The following AKAP6 variants were observed in gnomAD, a reference collection of about 807,000 sequenced individuals.
AKAP6 encodes the protein A-kinase anchoring protein 6, also known as A-kinase anchor protein 6.
In AKAP6, 58 loss-of-function variants were observed where a neutral mutation model predicts 188.5. The ratio of observed to expected loss-of-function variants is 0.31; its 90% confidence interval spans 0.25 to 0.38. AKAP6 has a LOEUF of 0.38. Ranked by LOEUF, AKAP6 falls within the 10% of genes least tolerant of loss-of-function variation. The pLI is 1.00. For missense variants in AKAP6, 2,710 were observed against 2,740.0 expected, an observed-to-expected ratio of 0.99 and a Z score of 0.24; for synonymous variants, 989 against 998.6, an observed-to-expected ratio of 0.99 and a Z score of 0.18.
At chr14:32,408,937 C>T (rs947359548) in intron 1 of AKAP6, among the ~76,000 whole-genome samples, 16 of 152,060 alleles carry the variant, frequency 1.1e-4, no homozygotes, top group African/African-American at 3.4e-4. Context: ...ACCCCTATAT[C>T]GCCTGTAATC....
intron 2 of AKAP6, among the ~76,000 whole-genome samples, chr14:32,449,470 C>G (rs907049399): frequency 7.2e-6 from 1 of 138,228 alleles, no homozygotes; most frequent in Non-Finnish European, 1.5e-5. Flanking sequence ...TGCAGTGAGC[C>G]AAGATAGTGC....
intron 2 of AKAP6, among the ~76,000 whole-genome samples, chr14:32,459,279 T>C (rs942413461): frequency 1.4e-5 from 2 of 143,928 alleles, no homozygotes; most frequent in African/African-American, 4.9e-5. Flanking sequence ...AGATAACTTT[T>C]TGGGGCAATG....
At chr14:32,363,395 C>T (rs534658710) in intron 1 of AKAP6, among the ~76,000 whole-genome samples, 13 of 152,278 alleles carry the variant, frequency 8.5e-5, no homozygotes, top group African/African-American at 3.1e-4. Flanking sequence ...CACATGATCA[C>T]AAGGTGAAGT....
chr14:32,430,512 A>G (rs1158583019), intron 1 of AKAP6, among the ~76,000 whole-genome samples: 1 of 152,168 alleles, frequency 6.6e-6, no homozygotes, highest in Non-Finnish European at 1.5e-5. Flanking sequence ...GTGACTAAGC[A>G]CTGTTTTTTC....
intron 1 of AKAP6, among the ~76,000 whole-genome samples, chr14:32,346,106 C>T (rs1014313729): frequency 6.6e-6 from 1 of 152,138 alleles, no homozygotes; most frequent in Non-Finnish European, 1.5e-5. Context: ...AGTCCCCCAT[C>T]ATGAAGACCA....
At chr14:32,564,297 G>C (rs1198195163) in intron 4 of AKAP6, among the ~76,000 whole-genome samples, 2 of 152,120 alleles carry the variant, frequency 1.3e-5, no homozygotes, top group East Asian at 3.9e-4. Flanking sequence ...AGGGCCGACT[G>C]TATTTATAAT....
chr14:32,381,403 T>A (rs1486052112), intron 1 of AKAP6, among the ~76,000 whole-genome samples: 1 of 152,194 alleles, frequency 6.6e-6, no homozygotes, highest in Admixed American at 6.5e-5. Flanking sequence ...TATTTACTTA[T>A]GAAGAGAAAC....
intron 2 of AKAP6, among the ~76,000 whole-genome samples, chr14:32,437,606 T>C (rs1286475402): frequency 6.6e-6 from 1 of 152,034 alleles, no homozygotes; most frequent in Non-Finnish European, 1.5e-5. Context: ...ATTATTATTA[T>C]CATTATTTGA....
chr14:32,457,576 C>A (rs1891187047), intron 2 of AKAP6, among the ~76,000 whole-genome samples: 1 of 152,124 alleles, frequency 6.6e-6, no homozygotes, highest in Non-Finnish European at 1.5e-5. Flanking sequence ...AACTTCAACA[C>A]AGTACTAGAT....
chr14:32,460,499 C>T (rs1414959840), intron 2 of AKAP6, among the ~76,000 whole-genome samples: 2 of 152,154 alleles, frequency 1.3e-5, no homozygotes, highest in African/African-American at 2.4e-5. Context: ...GACCTCCCTC[C>T]CCCAGCCAAG....
chr14:32,392,068 C>G (rs1888734248), intron 1 of AKAP6, among the ~76,000 whole-genome samples: 1 of 151,996 alleles, frequency 6.6e-6, no homozygotes, highest in Non-Finnish European at 1.5e-5. Flanking sequence ...TGGAAAACAA[C>G]TAGTAATAAA....
chr14:32,615,411 CTT>C (rs199960304), intron 7 of AKAP6, among the ~76,000 whole-genome samples: 4 of 142,450 alleles, frequency 2.8e-5, no homozygotes, highest in Admixed American at 1.4e-4. Context: ...TAAGTTCCTT[CTT>C]TTTTTTTTTT....
At position 32,568,819 on chromosome 14, in the gene AKAP6, G is replaced by A. The variant is rs527264643; in HGVS notation, c.2347-8301G>A. ...GGATTATGTAAGTGCCTGGTGTGTA[G>A]TAAGTGCTCAGTTAATGTTAACCTA... On this transcript the variant is annotated intron_variant, in intron 4 of 13. Transcript: ENST00000280979. The surrounding 1 kb of genome is among the most constrained non-coding windows in gnomAD (Gnocchi z 6.2). 6.6e-6 allele frequency among the ~76,000 whole-genome samples: 1 copy of A among 152,298 alleles called. No homozygotes were observed. The highest frequency in any genetic ancestry group is 2.4e-5 in the African/African-American group (1 of 41,580).
intron 3 of AKAP6, among the ~76,000 whole-genome samples, chr14:32,538,686 G>C (rs1203236262): frequency 6.6e-6 from 1 of 151,994 alleles, no homozygotes; most frequent in African/African-American, 2.4e-5. Flanking sequence ...CTATATTCCA[G>C]ACATTGTGAT....
intron 7 of AKAP6, among the ~76,000 whole-genome samples, chr14:32,661,345 T>C (rs1385324651): frequency 6.6e-6 from 1 of 152,046 alleles, no homozygotes; most frequent in African/African-American, 2.4e-5. Context: ...TGAGGCTTCA[T>C]TGCTTACCAC....
chr14:32,827,857 C>G (rs984489471), intron 13 of AKAP6, among the ~76,000 whole-genome samples: 4 of 152,158 alleles, frequency 2.6e-5, no homozygotes, highest in African/African-American at 9.7e-5. Flanking sequence ...AAACTTCAGG[C>G]TGGATAAATC....
At chr14:32,493,169 G>C (rs1880124940) in intron 2 of AKAP6, among the ~76,000 whole-genome samples, 1 of 152,106 alleles carries the variant, frequency 6.6e-6, no homozygotes, top group Non-Finnish European at 1.5e-5. Flanking sequence ...GCTTAAGACT[G>C]AGGCTGAGAA....
At chr14:32,336,218 G>GT (rs201832854) in intron 1 of AKAP6, among the ~76,000 whole-genome samples, 246 of 145,828 alleles carry the variant, frequency 1.7e-3, no homozygotes, top group Admixed American at 1.5e-3. Context: ...AAAAAGGTAA[G>GT]TTTTTTTTTT....
intron 1 of AKAP6, among the ~76,000 whole-genome samples, chr14:32,422,204 C>T (rs1889873224): frequency 6.6e-6 from 1 of 151,966 alleles, no homozygotes. Context: ...AGGGCACAGA[C>T]CTCCAAGACT....
Sources: allele counts gnomAD v4.1 joint callset (sites outside exome capture counted in the v4.1 genomes callset), GRCh38; gene constraint gnomAD v4.1.1; non-coding constraint Gnocchi (gnomAD v3.1); transcripts MANE v1.5; gene names NCBI Gene and HGNC (gene_info 2026-07-23, HGNC 2026-07-21).